JAK2: variants seen among roughly 807,000 people sequenced by gnomAD.
JAK2 encodes the protein Janus kinase 2.
JAK2 carries 86 observed loss-of-function variants against 139.3 expected under a neutral mutation model. The ratio of observed to expected loss-of-function variants is 0.62; its 90% confidence interval spans 0.52 to 0.74. The LOEUF is 0.74. Among genes scored for constraint, JAK2 ranks in the 30% least tolerant of loss-of-function variants. The pLI, the probability that JAK2 is intolerant of heterozygous loss-of-function variation, is 0.00. For synonymous variants in JAK2, 490 were observed against 437.7 expected (o/e 1.12, Z -1.49); for missense variants, 1,421 against 1,360.3 (o/e 1.04, Z -0.70).
At chr9:5,056,505 T>C (rs1817776649) in intron 8 of JAK2, among the ~76,000 whole-genome samples, 1 of 152,098 alleles carries the variant, frequency 6.6e-6, no homozygotes, top group Non-Finnish European at 1.5e-5. Context: ...ATTACCAAAA[T>C]TGTAACTAAC....
intron 18 of JAK2, 90 bp from the exon 19 acceptor site, chr9:5,081,635 C>T (rs955191145): frequency 6.9e-5 from 58 of 843,304 alleles, no homozygotes; most frequent in South Asian, 1.7e-4. Context: ...TTTTAACTCA[C>T]GATTATTTTG....
intron 2 of JAK2, among the ~76,000 whole-genome samples, chr9:5,009,775 A>ATT (rs752248281): frequency 6.8e-6 from 1 of 146,294 alleles, no homozygotes; most frequent in Non-Finnish European, 1.5e-5. Flanking sequence ...TTCAGTTAAA[A>ATT]TTTTTTTTTT....
chr9:5,011,767 C>T (rs531764086), intron 2 of JAK2, among the ~76,000 whole-genome samples: 2 of 152,222 alleles, frequency 1.3e-5, no homozygotes, highest in Non-Finnish European at 2.9e-5. Flanking sequence ...GAGTTTTGTT[C>T]TAGCAGGCAG....
At chr9:5,122,935 A>G in intron 22 of JAK2, 69 bp from the exon 23 acceptor site, 1 of 921,874 alleles carries the variant, frequency 1.1e-6, no homozygotes, top group South Asian at 1.7e-5. Flanking sequence ...TTATACAATG[A>G]TTTGCAGGTA....
chr9:5,120,571 A>G lies in JAK2; in HGVS notation c.3060-2433A>G, dbSNP rs552665698. 1.4e-4 allele frequency among the ~76,000 whole-genome samples: 21 copies of G among 152,332 alleles called. No homozygotes were observed. In the South Asian group the frequency reaches 2.1e-3, roughly 15 times the overall value. ...TGCCTCTGCTTAAATGTTGTAAAAA[A>G]TCGGTGAAACAGGATTTTGGACTCC... On this transcript the variant is annotated intron_variant, in intron 22 of 24. Coordinates refer to ENST00000381652, the MANE Select transcript of JAK2 (RefSeq NM_004972.4).
chr9:5,069,860 C>A, intron 11 of JAK2, 65 bp from the exon 12 acceptor site: 3 of 1,080,134 alleles, frequency 2.8e-6, no homozygotes, highest in East Asian at 2.7e-5. Context: ...CATTTTACTC[C>A]TCTTTGGAGC....
chr9:5,003,618 A>T (rs1821070394), intron 2 of JAK2, among the ~76,000 whole-genome samples: 1 of 151,998 alleles, frequency 6.6e-6, no homozygotes, highest in Non-Finnish European at 1.5e-5. Flanking sequence ...ATTCTTTTAA[A>T]TTTCCTACAT....
intron 22 of JAK2, among the ~76,000 whole-genome samples, chr9:5,101,172 T>C (rs548672516): frequency 6.6e-6 from 1 of 152,328 alleles, no homozygotes; most frequent in Admixed American, 6.5e-5. Flanking sequence ...CAGGACACTT[T>C]TGCCCAAATA....
intron 22 of JAK2, chr9:5,096,758 C>T (rs1181855124): frequency 6.6e-6 from 1 of 152,130 alleles, no homozygotes; most frequent in Non-Finnish European, 1.5e-5. Flanking sequence ...TAGTGGGTAC[C>T]TCCTTAAGCC....
chr9:5,079,146 T>C (rs903793435), intron 16 of JAK2, among the ~76,000 whole-genome samples: 3 of 152,192 alleles, frequency 2.0e-5, no homozygotes, highest in Non-Finnish European at 4.4e-5. Flanking sequence ...TGGGCAGTAG[T>C]ACAGGAGTAG....
In JAK2 at chr9:5,064,868, C is replaced by A; in HGVS notation, c.1057-15C>A. On this transcript the variant is annotated splice_polypyrimidine_tract_variant and intron_variant, in intron 8 of 24. Transcript: ENST00000381652. ...TTTCTAAAAGGTGCTATTTCTTTTT[C>A]TTTTCTCTGCTTAGGAAATTGAACT... 6.6e-7 allele frequency: 1 copy of A among 1,506,024 alleles called. No homozygotes were observed. Among genetic ancestry groups the A allele is most frequent in the Admixed American group, 2.2e-5 (1 of 44,530 alleles). The allele number at this position is 1,506,024 out of a possible 1,614,324, so 93.3% of individuals were successfully genotyped here.
intron 2 of JAK2, among the ~76,000 whole-genome samples, chr9:5,015,527 CT>C (rs61496494): frequency 0.23 from 31,695 of 139,926 alleles, 3,282 homozygotes; most frequent in African/African-American, 0.28. Context: ...TATTCTTTTT[CT>C]TTTTCTTTTC....
rs900632866 is a variant in JAK2 at position 5,093,580 on chromosome 9, G to A, written c.3059+2669G>A. Among the ~76,000 whole-genome samples, 5 of 152,262 alleles carry A rather than the reference G, an allele frequency of 3.3e-5. No homozygotes were observed. In the East Asian group the frequency reaches 9.6e-4, roughly 29 times the overall value. On this transcript the variant is annotated intron_variant, in intron 22 of 24. Transcript: ENST00000381652. The stretch of plus-strand genomic sequence containing the variant: ...CAAATAAAAACTCAAAAAGCCTATA[G>A]GCCTTAACCTACTATCTCTGCATTA...
intron 5 of JAK2, among the ~76,000 whole-genome samples, chr9:5,048,527 T>C (rs1452985028): frequency 4.6e-5 from 7 of 152,170 alleles, no homozygotes. Context: ...ACAGTATAAC[T>C]TACTTGCCTG....
chr9:5,032,682 G>T (rs567166649), intron 4 of JAK2, among the ~76,000 whole-genome samples: 1 of 152,280 alleles, frequency 6.6e-6, no homozygotes, highest in South Asian at 2.1e-4. Context: ...TGCAGCAGAG[G>T]GTCCTGACTG....
intron 3 of JAK2, among the ~76,000 whole-genome samples, chr9:5,027,456 GA>G (rs1368962726): frequency 6.6e-6 from 1 of 152,164 alleles, no homozygotes; most frequent in Admixed American, 6.5e-5. Flanking sequence ...TTTGTTAGTG[GA>G]GAGTCTTGCC....
chr9:4,996,039 T>C (rs1410968269), intron 2 of JAK2, among the ~76,000 whole-genome samples: 1 of 152,218 alleles, frequency 6.6e-6, no homozygotes, highest in Non-Finnish European at 1.5e-5. Context: ...ATCCATAGGA[T>C]AGGTCAAGTC....
In JAK2 at chr9:5,128,199, TCTA is replaced by T. The variant is rs1239902220; in HGVS notation, c.*1411_*1413del. The T allele has an allele frequency of 4.3e-6, 1 of 231,988 alleles. No homozygotes were observed. The highest frequency in any genetic ancestry group is 8.5e-6 in the Non-Finnish European group (1 of 117,224). The allele number at this position is 231,988 out of a possible 1,614,324, so 14.4% of individuals were successfully genotyped here. A position where few individuals can be genotyped will look rare whatever the true frequency, so the allele number is the denominator to read the frequency against. On this transcript the variant is annotated 3_prime_UTR_variant, in exon 25 of 25. Coordinates refer to ENST00000381652, the MANE Select transcript of JAK2 (RefSeq NM_004972.4). ...TCTTACTTTATTTTTACTGGTATGT[TCTA>T]CTTTTTTGAAAGTTGTACTGAAGAC... is the stretch of plus-strand genomic sequence containing the variant.
chr9:5,081,360 G>C (rs1181879337), intron 18 of JAK2, among the ~76,000 whole-genome samples: 3 of 150,842 alleles, frequency 2.0e-5, no homozygotes, highest in African/African-American at 7.3e-5. Flanking sequence ...TATTTGTTTT[G>C]CTTTGTTCTC....
Sources: gnomAD v4.1 joint callset for allele counts (sites outside exome capture counted in the v4.1 genomes callset) on GRCh38, gnomAD v4.1.1 for gene constraint, MANE v1.5 for transcripts, NCBI Gene and HGNC (gene_info 2026-07-23, HGNC 2026-07-21) for gene names.